Variants in COQ6 observed in about 807,000 individuals in gnomAD.
COQ6 encodes ubiquinone biosynthesis monooxygenase COQ6, mitochondrial.
In COQ6, 45 loss-of-function variants were observed where a neutral mutation model predicts 55.5. That is an observed-to-expected ratio of 0.81 (90% CI 0.64 to 1.04). The LOEUF (loss-of-function observed/expected upper bound fraction) is 1.04, where lower values mean the gene tolerates loss of function less well. Ranked by LOEUF, COQ6 falls within the 50% of genes least tolerant of loss-of-function variation. COQ6 has a pLI of 0.00. For synonymous variants in COQ6, 206 were observed against 230.5 expected, an observed-to-expected ratio of 0.89 and a Z score of 0.96; for missense variants, 550 against 601.3, an observed-to-expected ratio of 0.91 and a Z score of 0.89.
intron 8 of COQ6, 109 bp downstream of exon 8, chr14:73,959,631 G>T: frequency 6.4e-7 from 1 of 1,564,526 alleles, no homozygotes; most frequent in South Asian, 1.1e-5. Context: ...GCAGTGGCGC[G>T]ATCTTGGCTC....
At chr14:73,952,242 C>A (rs978473149) in intron 1 of COQ6, among the ~76,000 whole-genome samples, 1 of 149,016 alleles carries the variant, frequency 6.7e-6, no homozygotes. Context: ...CCTGCCTCAG[C>A]CTTCTGAGGA....
At chr14:73,959,782 C>T (rs2056625395) in intron 8 of COQ6, 1 of 1,201,828 alleles carries the variant, frequency 8.3e-7, no homozygotes. Flanking sequence ...GTTGGCCAGG[C>T]TGGTCTCAAA....
intron 1 of COQ6, 85 bp downstream of exon 1, chr14:73,950,580 C>G (rs906638811): frequency 2.7e-6 from 4 of 1,501,082 alleles, no homozygotes; most frequent in Admixed American, 2.2e-5. Context: ...CACGACTTGC[C>G]CAAAGACAAT....
At chr14:73,958,436 T>A (rs1248168999) in intron 5 of COQ6, 159 bp downstream of exon 5, 1 of 1,497,782 alleles carries the variant, frequency 6.7e-7, no homozygotes, top group African/African-American at 1.4e-5. Flanking sequence ...GTGGAGATGG[T>A]CTCATCGTAA....
chr14:73,951,665 T>TTTA (rs56037331), intron 1 of COQ6, among the ~76,000 whole-genome samples: 2 of 147,670 alleles, frequency 1.4e-5, no homozygotes, highest in Non-Finnish European at 3.0e-5. Flanking sequence ...TTTTTTTTTT[T>TTTA]AGCTCATCAG....
chr14:73,951,559 C>T (rs1237960513), intron 1 of COQ6, among the ~76,000 whole-genome samples: 7 of 151,480 alleles, frequency 4.6e-5, no homozygotes, highest in Non-Finnish European at 1.0e-4. Flanking sequence ...AACTCCTGAT[C>T]TCGTGATCCA....
chr14:73,958,122 T>G (rs760864440), intron 4 of COQ6, 25 bp from the exon 5 acceptor site: 14 of 1,604,650 alleles, frequency 8.7e-6, no homozygotes, highest in Non-Finnish European at 1.2e-5. Context: ...TTCTAATTTT[T>G]TTTCCTCTCT....
chr14:73,963,296 A>C lies in COQ6; in HGVS notation c.*297A>C. On this transcript the variant is annotated 3_prime_UTR_variant, in exon 12 of 12. Coordinates refer to ENST00000334571, the MANE Select transcript of COQ6 (RefSeq NM_182476.3). ...GTGCTGTCTCACTCATTTCCAGTTA[A>C]TCATTTCTAAAGAGAAAATTTACAT... 1 of 487,028 alleles carries C rather than the reference A, an allele frequency of 2.1e-6. No individual in the cohort carries two copies. 30.2% of individuals were successfully genotyped at this position (487,028 alleles called of 1,614,324 possible). A position where few individuals can be genotyped will look rare whatever the true frequency, so the allele number is the denominator to read the frequency against.
In COQ6 at chr14:73,955,813, C is replaced by T. The variant is rs754858126; in HGVS notation, c.366C>T (p.Asp122=). ...YRAFRRMQVW[D]ACSEALIMFD... ...TCCTTTTGTGTTTCCAGGTGTGGGACGCCTGCTCAGAGGCCCTGATAATGT... is the reference window on the plus strand; with the variant it reads ...TCCTTTTGTGTTTCCAGGTGTGGGATGCCTGCTCAGAGGCCCTGATAATGT... Residue 122 remains aspartate (D), a synonymous_variant, in exon 4 of 12, where the codon GAC becomes GAT. Coordinates refer to ENST00000334571, the MANE Select transcript of COQ6 (RefSeq NM_182476.3). 1.6e-4 allele frequency: 264 copies of T among 1,614,052 alleles called. 1 individual carries two copies. The East Asian group carries it at 2.6e-3, about 16-fold the overall frequency.
Position 73,963,583 on chromosome 14 carries a change from C to T in COQ6, c.*584C>T, listed in dbSNP as rs146784065. 379 of 156,170 alleles carry T rather than the reference C, an allele frequency of 2.4e-3. 1 individual carries two copies. The highest frequency in any genetic ancestry group is 6.6e-3 in the Admixed American group (104 of 15,642). 9.7% of individuals were successfully genotyped at this position (156,170 alleles called of 1,614,324 possible). On this transcript the variant is annotated 3_prime_UTR_variant, in exon 12 of 12. Transcript: ENST00000334571. ...TGGTTCCTCTCTGGGACACCACTGT[C>T]GGTTTAATAAAACAATAAATAATTC...
intron 4 of COQ6, 60 bp from the exon 5 acceptor site, chr14:73,958,087 T>C: frequency 7.1e-7 from 1 of 1,405,994 alleles, no homozygotes; most frequent in Non-Finnish European, 1.0e-6. Context: ...GTTATGGCTT[T>C]TTCCTCAGCC....
chr14:73,950,092 T>A, upstream of COQ6: 1 of 1,605,124 alleles, frequency 6.2e-7, no homozygotes, highest in Non-Finnish European at 8.5e-7. Context: ...CAGCGAGAGC[T>A]ATGCGGGGCC....
chr14:73,958,809 T>C, intron 5 of COQ6, 162 bp from the exon 6 acceptor site: 2 of 1,522,638 alleles, frequency 1.3e-6, no homozygotes, highest in East Asian at 2.5e-5. Flanking sequence ...GATGTGACAG[T>C]GCAGGGGCTC....
intron 5 of COQ6, chr14:73,958,704 C>A (rs1017012912): frequency 1.9e-5 from 26 of 1,369,902 alleles, no homozygotes; most frequent in Non-Finnish European, 2.4e-5. Flanking sequence ...TTCCTTATTG[C>A]TCTCTAGTTC....
chr14:73,961,753 C>T lies in COQ6; in HGVS notation c.1227C>T (p.Leu409=). 1 of 1,614,172 alleles carries T rather than the reference C, an allele frequency of 6.2e-7. No individual in the cohort carries two copies. The highest frequency in any genetic ancestry group is 8.5e-7 in the Non-Finnish European group (1 of 1,180,020). The change falls in exon 11 of 12, where the codon CTC becomes CTT. Residue 409 remains leucine (L), a synonymous_variant. Coordinates refer to ENST00000334571, the MANE Select transcript of COQ6 (RefSeq NM_182476.3). The part of the protein sequence containing the change: ...NGKDLGSVSH[L]TGYETERQRH... ...GCCCTTCAGGTTCCGTGAGCCACCT[C>T]ACAGGTTATGAAACAGAAAGACAGC...
rs192468020 is a variant in COQ6, at chr14:73,955,442, C to T, written c.299-9C>T. On this transcript the variant is annotated splice_polypyrimidine_tract_variant and intron_variant, in intron 2 of 11. Transcript: ENST00000334571. The stretch of plus-strand genomic sequence containing the variant: ...AGTCACTCTGGTCTATAGATCCTTT[C>T]TTTTGTAGGTTTTGGTGCCTGGGAC... 68 of 1,613,568 alleles carry T rather than the reference C, an allele frequency of 4.2e-5. 1 individual carries two copies. The East Asian group carries it at 1.5e-3, about 36-fold the overall frequency.
intron 4 of COQ6, among the ~76,000 whole-genome samples, chr14:73,957,182 C>T (rs377031487): frequency 5.9e-5 from 9 of 151,778 alleles, no homozygotes; most frequent in South Asian, 2.1e-4. Context: ...ACTGCAAGCT[C>T]GGCCTCCCAG....
intron 7 of COQ6, 66 bp downstream of exon 7, chr14:73,959,290 C>A (rs747528224): frequency 3.1e-6 from 5 of 1,614,026 alleles, no homozygotes; most frequent in African/African-American, 2.7e-5. Flanking sequence ...TTTCTCTCAG[C>A]CTTTTTCTGG....
chr14:73,953,173 A>G (rs2056267180), intron 1 of COQ6, among the ~76,000 whole-genome samples: 1 of 152,008 alleles, frequency 6.6e-6, no homozygotes, highest in African/African-American at 2.4e-5. Context: ...TCTGTTTGCT[A>G]GTTAGGTGTT....
Sources: gnomAD v4.1 joint callset for allele counts (sites outside exome capture counted in the v4.1 genomes callset) on GRCh38, gnomAD v4.1.1 for gene constraint, MANE v1.5 for transcripts, NCBI Gene and HGNC (gene_info 2026-07-23, HGNC 2026-07-21) for gene names.